The following DPYD variants were observed in gnomAD, a reference collection of about 807,000 sequenced individuals.
DPYD encodes the protein dihydropyrimidine dehydrogenase.
Under a neutral mutation model 116.2 loss-of-function variants are expected in DPYD, and 109 were observed. The observed-to-expected ratio is 0.94, with a 90% confidence interval of 0.80 to 1.10. The LOEUF (loss-of-function observed/expected upper bound fraction) is 1.10, where lower values mean the gene tolerates loss of function less well. Among genes scored for constraint, DPYD ranks in the 50% least tolerant of loss-of-function variants. The probability of loss-of-function intolerance (pLI) is 0.00; values close to 1 mark genes in which losing one functional copy is unlikely to be tolerated. For synonymous variants in DPYD, 440 were observed against 432.0 expected (o/e 1.02, Z -0.23); for missense variants, 1,302 against 1,254.5 (o/e 1.04, Z -0.57).
chr1:97,120,098 T>C (rs1425734270), intron 20 of DPYD, among the ~76,000 whole-genome samples: 2 of 152,172 alleles, frequency 1.3e-5, no homozygotes, highest in Non-Finnish European at 2.9e-5. Flanking sequence ...CCTGTGAGCA[T>C]CCACAAAGAC....
At chr1:97,653,385 A>G (rs1571134449) in intron 8 of DPYD, among the ~76,000 whole-genome samples, 1 of 150,588 alleles carries the variant, frequency 6.6e-6, no homozygotes, top group Middle Eastern at 3.4e-3. Context: ...GCTCACTGCA[A>G]CCTCCGACTC....
intron 20 of DPYD, among the ~76,000 whole-genome samples, chr1:97,172,358 G>C (rs1004829487): frequency 6.6e-6 from 1 of 152,184 alleles, no homozygotes; most frequent in African/African-American, 2.4e-5. Flanking sequence ...AAAATGCTAA[G>C]AGGAGGGAAA....
intron 12 of DPYD, among the ~76,000 whole-genome samples, chr1:97,525,871 C>A (rs559358144): frequency 8.1e-6 from 1 of 123,064 alleles, no homozygotes; most frequent in Non-Finnish European, 1.7e-5. Flanking sequence ...TAAGAGTGTG[C>A]GTGTGTGTGT....
intron 20 of DPYD, among the ~76,000 whole-genome samples, chr1:97,183,843 A>G (rs909687129): frequency 8.5e-5 from 13 of 152,084 alleles, no homozygotes; most frequent in African/African-American, 2.9e-4. Context: ...GGTTCATTAT[A>G]CAGGTTATTT....
At chr1:97,786,398 A>G (rs1280275349) in intron 3 of DPYD, among the ~76,000 whole-genome samples, 3 of 152,232 alleles carry the variant, frequency 2.0e-5, no homozygotes, top group African/African-American at 7.2e-5. Flanking sequence ...CGCAAAAGAC[A>G]TCTTCCTTAC....
intron 14 of DPYD, among the ~76,000 whole-genome samples, chr1:97,442,343 T>C (rs1675844263): frequency 6.7e-6 from 1 of 149,186 alleles, no homozygotes; most frequent in African/African-American, 2.5e-5. Flanking sequence ...GGAGGTTAAA[T>C]CCAGTCTCCA....
At chr1:97,691,582 G>A in intron 7 of DPYD, 135 bp downstream of exon 7, 1 of 744,926 alleles carries the variant, frequency 1.3e-6, no homozygotes, top group Non-Finnish European at 2.3e-6. Flanking sequence ...GCAAGGGGAA[G>A]CATCTTTCTG....
intron 3 of DPYD, among the ~76,000 whole-genome samples, chr1:97,778,090 G>A (rs114509974): frequency 0.022 from 3,225 of 149,218 alleles, 53 homozygotes; most frequent in Middle Eastern, 0.041. Flanking sequence ...CCCATGAGAC[G>A]GAGATTGCAG....
rs373133269 is a variant in DPYD at position 97,644,619 on chromosome 1, G to GTT, written c.850+34474_850+34475dup. Among the ~76,000 whole-genome samples the GTT allele has an allele frequency of 2.3e-3, 318 of 139,406 alleles. 2 individuals are homozygous for GTT. The highest frequency in any genetic ancestry group is 7.9e-3 in the African/African-American group (304 of 38,448). 91.5% of individuals were successfully genotyped at this position (139,406 alleles called of 152,430 possible). A position where few individuals can be genotyped will look rare whatever the true frequency, so the allele number is the denominator to read the frequency against. The stretch of plus-strand genomic sequence containing the variant: ...AGCTTGTTTTTTGTTTTTTGTTTTT[G>GTT]TTTTTTTTTTTTGTATTTTTAGTAG... On this transcript the variant is annotated intron_variant, in intron 8 of 22. Coordinates refer to ENST00000370192, the MANE Select transcript of DPYD (RefSeq NM_000110.4).
At chr1:97,402,640 T>G (rs1673437523) in intron 14 of DPYD, among the ~76,000 whole-genome samples, 1 of 152,108 alleles carries the variant, frequency 6.6e-6, no homozygotes, top group Admixed American at 6.6e-5. Context: ...GAAGTTCCAG[T>G]ATAATTATGA....
chr1:97,862,750 A>G (rs1029893001), intron 2 of DPYD, among the ~76,000 whole-genome samples: 1 of 151,974 alleles, frequency 6.6e-6, no homozygotes, highest in Non-Finnish European at 1.5e-5. Flanking sequence ...TACTCTCAAT[A>G]AACATTAGAA....
At chr1:97,862,074 A>G (rs1204099937) in intron 2 of DPYD, among the ~76,000 whole-genome samples, 2 of 151,868 alleles carry the variant, frequency 1.3e-5, no homozygotes, top group African/African-American at 2.4e-5. Context: ...AATTAGAACA[A>G]TCTCAGTTTA....
At chr1:97,401,082 C>T (rs577984593) in intron 14 of DPYD, among the ~76,000 whole-genome samples, 6 of 152,082 alleles carry the variant, frequency 3.9e-5, no homozygotes, top group Non-Finnish European at 8.8e-5. Context: ...AGTACCTTTT[C>T]ATATGCTTAT....
intron 11 of DPYD, among the ~76,000 whole-genome samples, chr1:97,565,112 G>A (rs1652424604): frequency 6.6e-6 from 1 of 152,058 alleles, no homozygotes; most frequent in South Asian, 2.1e-4. Context: ...TACTGAAAAT[G>A]TTACTGGGTC....
At chr1:97,872,282 A>G (rs1671693948) in intron 2 of DPYD, among the ~76,000 whole-genome samples, 1 of 151,938 alleles carries the variant, frequency 6.6e-6, no homozygotes, top group Non-Finnish European at 1.5e-5. Flanking sequence ...TTCAGTTTAA[A>G]CCCTGAGTAG....
chr1:97,108,255 G>A (rs1651320408), intron 20 of DPYD, among the ~76,000 whole-genome samples: 2 of 152,124 alleles, frequency 1.3e-5, no homozygotes, highest in African/African-American at 2.4e-5. Context: ...TTTGCTGTCA[G>A]CTGGTTTTGT....
chr1:97,294,088 C>T (rs375147881), intron 18 of DPYD, among the ~76,000 whole-genome samples: 1 of 152,082 alleles, frequency 6.6e-6, no homozygotes, highest in Non-Finnish European at 1.5e-5. Flanking sequence ...AAGGAAACAA[C>T]GGCTCTTGCT....
At chr1:97,590,715 C>T (rs530224037) in intron 10 of DPYD, among the ~76,000 whole-genome samples, 160 of 152,296 alleles carry the variant, frequency 1.1e-3, no homozygotes, top group Non-Finnish European at 1.9e-3. Flanking sequence ...AATCAAGTTT[C>T]AGGCAGCTGA....
chr1:97,511,825 T>C (rs1183014522), intron 13 of DPYD, among the ~76,000 whole-genome samples: 2 of 151,944 alleles, frequency 1.3e-5, no homozygotes, highest in African/African-American at 4.8e-5. Context: ...CTTAATATTG[T>C]GTGATACTTG....
Sources: gnomAD v4.1 joint callset for allele counts (sites outside exome capture counted in the v4.1 genomes callset) on GRCh38, gnomAD v4.1.1 for gene constraint, MANE v1.5 for transcripts, NCBI Gene and HGNC (gene_info 2026-07-23, HGNC 2026-07-21) for gene names.